Variants in PRKCA observed in about 807,000 individuals in gnomAD.
The protein encoded by PRKCA is protein kinase C alpha type.
In PRKCA, 27 loss-of-function variants were observed where a neutral mutation model predicts 87.0. The observed-to-expected ratio is 0.31, with a 90% CI of 0.23 to 0.43. PRKCA has a LOEUF of 0.43. PRKCA is among the 20% of genes least tolerant of loss of function. The pLI is 1.00. For synonymous variants in PRKCA, 329 were observed against 311.1 expected (o/e 1.06, Z -0.61); for missense variants, 518 against 852.3 (o/e 0.61, Z 4.88).
intron 5 of PRKCA, among the ~76,000 whole-genome samples, chr17:66,649,585 C>T (rs1455897190): frequency 1.3e-5 from 2 of 152,198 alleles, no homozygotes; most frequent in South Asian, 2.1e-4. Flanking sequence ...GGCCTGGCTT[C>T]CACACTCTTG....
intron 13 of PRKCA, among the ~76,000 whole-genome samples, chr17:66,766,855 T>C (rs1974823324): frequency 6.7e-6 from 1 of 150,290 alleles, no homozygotes; most frequent in Non-Finnish European, 1.5e-5. Flanking sequence ...TAACATAACA[T>C]ACACAGATGG....
intron 3 of PRKCA, among the ~76,000 whole-genome samples, chr17:66,539,489 C>G (rs888630975): frequency 6.6e-6 from 1 of 151,684 alleles, no homozygotes; most frequent in African/African-American, 2.4e-5. Context: ...CTGCAAGCTC[C>G]GCCTCTCAGG....
intron 2 of PRKCA, among the ~76,000 whole-genome samples, chr17:66,440,063 G>A (rs994145881): frequency 2.0e-5 from 3 of 152,276 alleles, no homozygotes; most frequent in African/African-American, 7.2e-5. Context: ...CTTCCAAGAT[G>A]TATTAAGAAG....
intron 11 of PRKCA, 48 bp from the exon 12 acceptor site, chr17:66,741,611 G>C (rs368053911): frequency 6.3e-7 from 1 of 1,575,468 alleles, no homozygotes; most frequent in Non-Finnish European, 8.7e-7. Flanking sequence ...AAGTATACAG[G>C]CATCTAAGGA....
At chr17:66,674,154 C>T (rs185814626) in intron 5 of PRKCA, among the ~76,000 whole-genome samples, 5 of 152,232 alleles carry the variant, frequency 3.3e-5, no homozygotes, top group South Asian at 2.1e-4. Context: ...CCTGGGGATG[C>T]GAGGGGGTGT....
intron 2 of PRKCA, among the ~76,000 whole-genome samples, chr17:66,323,323 T>G (rs57784407): frequency 0.014 from 2,096 of 152,342 alleles, 38 homozygotes; most frequent in African/African-American, 0.047. Context: ...CTGGGTTATT[T>G]AGTTTTTAAG....
chr17:66,524,820 C>G (rs1967290596), intron 3 of PRKCA, among the ~76,000 whole-genome samples: 1 of 152,188 alleles, frequency 6.6e-6, no homozygotes, highest in Non-Finnish European at 1.5e-5. Flanking sequence ...TATCCAAGAT[C>G]ACTTCCCCCA....
At chr17:66,336,750 A>G (rs1906703722) in intron 2 of PRKCA, among the ~76,000 whole-genome samples, 1 of 110,214 alleles carries the variant, frequency 9.1e-6, no homozygotes, top group Non-Finnish European at 2.1e-5. Context: ...CCCTGCAAAT[A>G]AGTTTGTGTG....
At chr17:66,593,085 C>T (rs1024470292) in intron 3 of PRKCA, among the ~76,000 whole-genome samples, 15 of 152,196 alleles carry the variant, frequency 9.9e-5, no homozygotes, top group African/African-American at 2.2e-4. Flanking sequence ...CCACCGTGCC[C>T]GGCCCAATTC....
Position 66,346,388 on chromosome 17 carries a change from C to T in PRKCA, c.205+40261C>T, listed in dbSNP as rs571967286. On this transcript the variant is annotated intron_variant, in intron 2 of 16. Coordinates refer to ENST00000413366, the MANE Select transcript of PRKCA (RefSeq NM_002737.3). ...CTAAGATTACAGGCCTGAGCCACCA[C>T]GCCCTGCTGAGATATCTTTTTTAAA... Among the ~76,000 whole-genome samples the T allele has an allele frequency of 3.1e-4, 46 of 150,804 alleles. No homozygotes were observed. In the South Asian group the frequency reaches 6.1e-3, roughly 20 times the overall value.
chr17:66,395,930 C>G (rs1022491685), intron 2 of PRKCA, among the ~76,000 whole-genome samples: 8 of 152,106 alleles, frequency 5.3e-5, no homozygotes, highest in African/African-American at 1.9e-4. Flanking sequence ...CTTTTTCACT[C>G]TTTCCTTAAT....
At chr17:66,348,793 G>A (rs1907560882) in intron 2 of PRKCA, among the ~76,000 whole-genome samples, 1 of 152,204 alleles carries the variant, frequency 6.6e-6, no homozygotes. Context: ...GCAGCTGGAA[G>A]TTAGGCTAAT....
intron 3 of PRKCA, among the ~76,000 whole-genome samples, chr17:66,589,495 T>G: frequency 6.6e-6 from 1 of 152,314 alleles, no homozygotes; most frequent in East Asian, 1.9e-4. Flanking sequence ...TCTTTTTTGT[T>G]GGATATGTGG....
intron 3 of PRKCA, among the ~76,000 whole-genome samples, chr17:66,512,378 G>A (rs894031411): frequency 6.6e-6 from 1 of 152,060 alleles, no homozygotes; most frequent in African/African-American, 2.4e-5. Flanking sequence ...GGAGGCGGAT[G>A]TTGCAGTGAG....
chr17:66,356,452 G>A (rs936188971), intron 2 of PRKCA, among the ~76,000 whole-genome samples: 1 of 152,024 alleles, frequency 6.6e-6, no homozygotes, highest in African/African-American at 2.4e-5. Context: ...TAGCTAACAT[G>A]GTGAAACCCC....
intron 2 of PRKCA, among the ~76,000 whole-genome samples, chr17:66,455,330 C>T (rs1023941772): frequency 6.6e-5 from 10 of 152,206 alleles, no homozygotes; most frequent in Admixed American, 2.0e-4. Flanking sequence ...GGCCTCTTAT[C>T]GCCACACAGC....
chr17:66,585,690 G>A (rs1017298277), intron 3 of PRKCA, among the ~76,000 whole-genome samples: 1 of 152,234 alleles, frequency 6.6e-6, no homozygotes, highest in Admixed American at 6.5e-5. Context: ...CCGCGGAGCA[G>A]GGAGCCAGCA....
intron 5 of PRKCA, among the ~76,000 whole-genome samples, chr17:66,654,569 A>T (rs1971682697): frequency 6.6e-6 from 1 of 152,212 alleles, no homozygotes; most frequent in African/African-American, 2.4e-5. Context: ...CTGAGGGAAG[A>T]TCCTGTGATT....
At chr17:66,312,641 G>A (rs1172103602) in intron 2 of PRKCA, among the ~76,000 whole-genome samples, 1 of 151,032 alleles carries the variant, frequency 6.6e-6, no homozygotes, top group Non-Finnish European at 1.5e-5. Context: ...TTGCCCAGAT[G>A]ATATCTGTTT....
Sources: gnomAD v4.1 joint callset for allele counts (sites outside exome capture counted in the v4.1 genomes callset) on GRCh38, gnomAD v4.1.1 for gene constraint, MANE v1.5 for transcripts, NCBI Gene and HGNC (gene_info 2026-07-23, HGNC 2026-07-21) for gene names.